The following KIF16B variants were observed in gnomAD, a reference collection of about 807,000 sequenced individuals.
KIF16B encodes the protein kinesin-like protein KIF16B.
KIF16B carries 98 observed loss-of-function variants against 156.3 expected under a neutral mutation model. The observed-to-expected ratio is 0.63, with a 90% CI of 0.53 to 0.74. The LOEUF is 0.74. Ranked by LOEUF, KIF16B falls within the 30% of genes least tolerant of loss-of-function variation. The pLI, the probability that KIF16B is intolerant of heterozygous loss-of-function variation, is 0.00. For synonymous variants in KIF16B, 564 were observed against 583.7 expected, an observed-to-expected ratio of 0.97 and a Z score of 0.49; for missense variants, 1,421 against 1,606.5, an observed-to-expected ratio of 0.88 and a Z score of 1.97.
At chr20:16,449,273 T>G (rs890526132) in intron 12 of KIF16B, among the ~76,000 whole-genome samples, 1 of 152,210 alleles carries the variant, frequency 6.6e-6, no homozygotes. Flanking sequence ...CTGCTGAAAA[T>G]TTTAAATTTT....
At chr20:16,410,074 CATATAT>C (rs145456992) in intron 15 of KIF16B, among the ~76,000 whole-genome samples, 1 of 54,782 alleles carries the variant, frequency 1.8e-5, no homozygotes, top group Admixed American at 1.8e-4. Context: ...TATGTAGGTA[CATATAT>C]ATATATGTAG....
chr20:16,400,822 G>A (rs1194203851), intron 17 of KIF16B, among the ~76,000 whole-genome samples: 1 of 152,190 alleles, frequency 6.6e-6, no homozygotes, highest in African/African-American at 2.4e-5. Context: ...CAAAAGTTGT[G>A]TGCTGATTGT....
chr20:16,346,348 C>T (rs1295498842), intron 23 of KIF16B, among the ~76,000 whole-genome samples: 3 of 152,116 alleles, frequency 2.0e-5, no homozygotes, highest in South Asian at 4.2e-4. Flanking sequence ...GCAGGGGAGC[C>T]GCTCAAATAG....
At chr20:16,518,035 G>A (rs2069200833) in intron 3 of KIF16B, among the ~76,000 whole-genome samples, 1 of 152,134 alleles carries the variant, frequency 6.6e-6, no homozygotes, top group Non-Finnish European at 1.5e-5. Flanking sequence ...AACCCAGGCG[G>A]TTTTCCGGTT....
At chr20:16,348,787 G>C (rs2064281032) in intron 23 of KIF16B, among the ~76,000 whole-genome samples, 1 of 152,210 alleles carries the variant, frequency 6.6e-6, no homozygotes, top group Non-Finnish European at 1.5e-5. Context: ...AGGTGTGCAA[G>C]CTGTGTTAAA....
chr20:16,443,950 A>G (rs573977577), intron 12 of KIF16B, among the ~76,000 whole-genome samples: 1 of 152,334 alleles, frequency 6.6e-6, no homozygotes, highest in East Asian at 1.9e-4. Flanking sequence ...TTAATAGAAA[A>G]GCAGTAAACC....
intron 3 of KIF16B, among the ~76,000 whole-genome samples, chr20:16,519,338 T>C (rs752401703): frequency 3.9e-5 from 6 of 152,158 alleles, no homozygotes; most frequent in Non-Finnish European, 8.8e-5. Flanking sequence ...GCTGGACTTG[T>C]CCTGGCCTCA....
intron 15 of KIF16B, among the ~76,000 whole-genome samples, chr20:16,413,899 G>A (rs896942010): frequency 1.3e-5 from 2 of 151,988 alleles, no homozygotes; most frequent in African/African-American, 4.8e-5. Context: ...CTGAGGTAGG[G>A]CAGGTAAAGT....
intron 15 of KIF16B, among the ~76,000 whole-genome samples, chr20:16,414,075 C>T (rs1285794085): frequency 6.6e-6 from 1 of 151,872 alleles, no homozygotes; most frequent in Non-Finnish European, 1.5e-5. Context: ...CTAATACATG[C>T]CAATACTTAA....
chr20:16,434,492 A>G (rs1176588774), intron 12 of KIF16B, among the ~76,000 whole-genome samples: 6 of 97,666 alleles, frequency 6.1e-5, no homozygotes. Flanking sequence ...AAACTTACCA[A>G]CAACAAAAAT....
rs1299584808 is a variant in KIF16B at position 16,368,513 on chromosome 20, T to TGG, written c.3498+2071_3498+2072dup. The TGG allele has an allele frequency of 4.1e-6, 4 of 986,156 alleles. No homozygotes were observed. The East Asian group carries it at 4.5e-4, about 112-fold the overall frequency. 61.1% of individuals were successfully genotyped at this position (986,156 alleles called of 1,614,324 possible). A position where few individuals can be genotyped will look rare whatever the true frequency, so the allele number is the denominator to read the frequency against. ...GGGGCACACAGATTCCCCACAAGCC[T>TGG]GGCTTGGCTGATCACCTTTGTGCCA... On this transcript the variant is annotated intron_variant, in intron 22 of 25. Coordinates refer to ENST00000354981, the MANE Select transcript of KIF16B (RefSeq NM_024704.5).
At chr20:16,446,348 G>T (rs990037930) in intron 12 of KIF16B, among the ~76,000 whole-genome samples, 5 of 152,150 alleles carry the variant, frequency 3.3e-5, no homozygotes, top group Non-Finnish European at 7.3e-5. Context: ...ACCAGATCGG[G>T]GTTAGTTTTT....
At chr20:16,489,407 C>T (rs2068219300) in intron 12 of KIF16B, among the ~76,000 whole-genome samples, 1 of 152,186 alleles carries the variant, frequency 6.6e-6, no homozygotes, top group Non-Finnish European at 1.5e-5. Context: ...TAAGACTACT[C>T]TGCATTTCCT....
chr20:16,543,564 G>A (rs540993785), intron 1 of KIF16B, among the ~76,000 whole-genome samples: 2 of 152,214 alleles, frequency 1.3e-5, no homozygotes, highest in Non-Finnish European at 2.9e-5. Flanking sequence ...GGTTCTAGTT[G>A]AGAAAATCTG....
chr20:16,363,043 T>C (rs1252162686), intron 22 of KIF16B, among the ~76,000 whole-genome samples: 5 of 152,124 alleles, frequency 3.3e-5, no homozygotes, highest in Non-Finnish European at 5.9e-5. Context: ...GTTTGAAAAA[T>C]GTACTGTTTA....
At chr20:16,410,354 TAG>T (rs1202164128) in intron 15 of KIF16B, among the ~76,000 whole-genome samples, 1 of 149,226 alleles carries the variant, frequency 6.7e-6, no homozygotes, top group African/African-American at 2.5e-5. Flanking sequence ...TATATATATA[TAG>T]AGAGAGAGAC....
At chr20:16,548,369 C>G (rs756813530) in intron 1 of KIF16B, among the ~76,000 whole-genome samples, 2 of 152,204 alleles carry the variant, frequency 1.3e-5, no homozygotes, top group Non-Finnish European at 2.9e-5. Context: ...CCTTTCAGAG[C>G]TGTATCTTGT....
intron 15 of KIF16B, among the ~76,000 whole-genome samples, chr20:16,421,429 T>C (rs2146377727): frequency 6.6e-6 from 1 of 152,266 alleles, no homozygotes; most frequent in South Asian, 2.1e-4. Context: ...GATATAAGAA[T>C]GTATCTGTCT....
intron 1 of KIF16B, among the ~76,000 whole-genome samples, chr20:16,533,439 T>C (rs143706047): frequency 1.3e-5 from 2 of 152,356 alleles, no homozygotes; most frequent in African/African-American, 4.8e-5. Context: ...TAAAAAGCAC[T>C]GCTCTGATGC....
Sources: allele counts gnomAD v4.1 joint callset (sites outside exome capture counted in the v4.1 genomes callset), GRCh38; gene constraint gnomAD v4.1.1; transcripts MANE v1.5; gene names NCBI Gene and HGNC (gene_info 2026-07-23, HGNC 2026-07-21).